The following DLGAP1 variants were observed in gnomAD, a reference collection of about 807,000 sequenced individuals.
DLGAP1 encodes the protein DLG associated protein 1.
A neutral mutation model predicts 90.8 loss-of-function variants in DLGAP1; 11 were observed. That is an observed-to-expected ratio of 0.12 (90% CI 0.08 to 0.20). The LOEUF (loss-of-function observed/expected upper bound fraction) is 0.20, where lower values mean the gene tolerates loss of function less well. Among genes scored for constraint, DLGAP1 ranks in the 10% least tolerant of loss-of-function variants. DLGAP1 has a pLI of 1.00. For synonymous variants in DLGAP1, 558 were observed against 540.7 expected (o/e 1.03, Z -0.44); for missense variants, 1,050 against 1,333.8 (o/e 0.79, Z 3.31).
At chr18:3,967,221 T>C (rs2073349813) in intron 3 of DLGAP1, among the ~76,000 whole-genome samples, 1 of 152,234 alleles carries the variant, frequency 6.6e-6, no homozygotes, top group African/African-American at 2.4e-5. Flanking sequence ...AACTTATCTT[T>C]CTTCCTCAAA....
intron 9 of DLGAP1, among the ~76,000 whole-genome samples, chr18:3,561,775 A>C (rs1256922482): frequency 6.6e-6 from 1 of 150,842 alleles, no homozygotes; most frequent in South Asian, 2.1e-4. Flanking sequence ...AAGCCTCGCT[A>C]TGTTGCTATT....
intron 3 of DLGAP1, among the ~76,000 whole-genome samples, chr18:3,943,924 C>A (rs770027430): frequency 2.4e-4 from 36 of 152,298 alleles, no homozygotes; most frequent in Non-Finnish European, 1.5e-5. Flanking sequence ...CAGCCACCTG[C>A]AAGTCAAGAA....
chr18:3,822,248 T>C (rs1325012396), intron 4 of DLGAP1, among the ~76,000 whole-genome samples: 1 of 152,222 alleles, frequency 6.6e-6, no homozygotes, highest in Non-Finnish European at 1.5e-5. Flanking sequence ...ATAGAATTTA[T>C]ACCCTTTGTC....
chr18:3,589,033 A>T (rs1226334896), intron 7 of DLGAP1, among the ~76,000 whole-genome samples: 3 of 150,742 alleles, frequency 2.0e-5, no homozygotes, highest in Non-Finnish European at 4.4e-5. Context: ...AATATATAAA[A>T]AAAAATTAAC....
chr18:4,194,044 G>A (rs1021156354), intron 1 of DLGAP1, among the ~76,000 whole-genome samples: 1 of 151,946 alleles, frequency 6.6e-6, no homozygotes, highest in Non-Finnish European at 1.5e-5. Flanking sequence ...TACTCATCCT[G>A]TAACCCCAAC....
At chr18:4,214,378 A>T (rs955075323) in intron 1 of DLGAP1, among the ~76,000 whole-genome samples, 1 of 151,784 alleles carries the variant, frequency 6.6e-6, no homozygotes, top group African/African-American at 2.4e-5. Flanking sequence ...GATTTTATTC[A>T]TAGGGTGGCC....
chr18:3,856,855 C>T (rs564612956), intron 4 of DLGAP1, among the ~76,000 whole-genome samples: 73 of 151,588 alleles, frequency 4.8e-4, no homozygotes, highest in Admixed American at 1.4e-3. Flanking sequence ...AGCAAGACTC[C>T]GTCCCCCTCC....
At chr18:3,772,179 CTCCT>C (rs778924593) in intron 5 of DLGAP1, among the ~76,000 whole-genome samples, 10 of 98,388 alleles carry the variant, frequency 1.0e-4, no homozygotes, top group Non-Finnish European at 1.8e-4. Context: ...CTTCCTTTCT[CTCCT>C]TCCTTCCTTT....
intron 10 of DLGAP1, among the ~76,000 whole-genome samples, chr18:3,525,194 C>G (rs993815166): frequency 2.6e-5 from 4 of 151,912 alleles, no homozygotes; most frequent in African/African-American, 9.7e-5. Context: ...CCTCCAGGAG[C>G]CTTACTCGTA....
At chr18:3,599,240 C>T (rs1487699432) in intron 7 of DLGAP1, among the ~76,000 whole-genome samples, 2 of 152,204 alleles carry the variant, frequency 1.3e-5, no homozygotes, top group Non-Finnish European at 2.9e-5. Context: ...TTTAATAAAG[C>T]CAGGCGCTTT....
chr18:3,761,574 C>CTT (rs1175609507), intron 5 of DLGAP1, among the ~76,000 whole-genome samples: 2 of 149,280 alleles, frequency 1.3e-5, no homozygotes, highest in African/African-American at 2.5e-5. Context: ...TTCTTTCTTT[C>CTT]TTTCTTTTTT....
chr18:4,144,119 C>T (rs916114438), intron 2 of DLGAP1, among the ~76,000 whole-genome samples: 7 of 152,082 alleles, frequency 4.6e-5, no homozygotes, highest in South Asian at 2.1e-4. Flanking sequence ...AGCTGGTGTC[C>T]GACTAGATCG....
chr18:3,594,353 C>T (rs891543175), intron 7 of DLGAP1: 1 of 138,512 alleles, frequency 7.2e-6, no homozygotes, highest in African/African-American at 2.6e-5. Context: ...CCCCTCCCTC[C>T]CTCCCTCCCT....
At chr18:4,321,009 T>C (rs1233574894) in intron 1 of DLGAP1, among the ~76,000 whole-genome samples, 1 of 152,126 alleles carries the variant, frequency 6.6e-6, no homozygotes, top group Non-Finnish European at 1.5e-5. Flanking sequence ...AAATGAAAAA[T>C]ATTTATTAAC....
At chr18:3,706,474 G>C (rs1347074349) in intron 7 of DLGAP1, among the ~76,000 whole-genome samples, 3 of 152,136 alleles carry the variant, frequency 2.0e-5, no homozygotes, top group Admixed American at 6.5e-5. Context: ...CAGCCTTCCT[G>C]CAAAGAGCAA....
rs111411635 is a variant in DLGAP1, at chr18:4,415,642, G to C, written c.-267+39364C>G. Among the ~76,000 whole-genome samples the C allele has an allele frequency of 1.0e-3, 152 of 152,222 alleles. 1 individual carries two copies. The highest frequency in any genetic ancestry group is 3.5e-3 in the African/African-American group (147 of 41,528). On this transcript the variant is annotated intron_variant, in intron 1 of 12. Transcript: ENST00000315677. ...TAAATCAGCTTTGTGGAATGTAAAT[G>C]GTATAGGTTTTGCACTTCAGCTGAT...
chr18:3,834,804 T>C (rs1187867354), intron 4 of DLGAP1, among the ~76,000 whole-genome samples: 1 of 152,208 alleles, frequency 6.6e-6, no homozygotes, highest in East Asian at 1.9e-4. Flanking sequence ...GTAACTTTTA[T>C]TAAAAAATGA....
chr18:4,158,743 C>T (rs1321182934), intron 1 of DLGAP1, among the ~76,000 whole-genome samples: 1 of 152,028 alleles, frequency 6.6e-6, no homozygotes, highest in Non-Finnish European at 1.5e-5. Context: ...TTTAATATTC[C>T]ATTTGAAATG....
At chr18:4,256,171 C>A (rs1371025819) in intron 1 of DLGAP1, among the ~76,000 whole-genome samples, 3 of 152,158 alleles carry the variant, frequency 2.0e-5, no homozygotes, top group Non-Finnish European at 4.4e-5. Flanking sequence ...TAATAGAAAT[C>A]ATACTTCTTC....
Sources: gnomAD v4.1 joint callset for allele counts (sites outside exome capture counted in the v4.1 genomes callset) on GRCh38, gnomAD v4.1.1 for gene constraint, MANE v1.5 for transcripts, NCBI Gene and HGNC (gene_info 2026-07-23, HGNC 2026-07-21) for gene names.